Variants in IGFBP4 observed in about 807,000 individuals in gnomAD.
IGFBP4 encodes insulin like growth factor binding protein 4.
In IGFBP4, 9 loss-of-function variants were observed where a neutral mutation model predicts 25.8. The observed-to-expected ratio is 0.35, with a 90% CI of 0.21 to 0.61. IGFBP4 has a LOEUF of 0.61. Ranked by LOEUF, IGFBP4 falls within the 20% of genes least tolerant of loss-of-function variation. IGFBP4 has a pLI of 0.77. For missense variants in IGFBP4, 315 were observed against 365.3 expected (o/e 0.86, Z 1.12); for synonymous variants, 153 against 153.9 (o/e 0.99, Z 0.05).
intron 1 of IGFBP4, among the ~76,000 whole-genome samples, chr17:40,446,487 G>A (rs917752755): frequency 6.6e-6 from 1 of 151,848 alleles, no homozygotes; most frequent in Non-Finnish European, 1.5e-5. Context: ...ATGGTGGTGC[G>A]TGCCTGTAGT....
At chr17:40,447,979 C>T (rs1028345202) in intron 1 of IGFBP4, among the ~76,000 whole-genome samples, 1 of 152,166 alleles carries the variant, frequency 6.6e-6, no homozygotes, top group East Asian at 1.9e-4. Context: ...GTTGCCTTAT[C>T]TGTTTTTTAT....
intron 1 of IGFBP4, among the ~76,000 whole-genome samples, chr17:40,451,314 C>T (rs182167833): frequency 7.9e-5 from 12 of 152,256 alleles, no homozygotes; most frequent in Non-Finnish European, 1.3e-4. Flanking sequence ...AGCTCTCCAC[C>T]GTAACAAAAT....
chr17:40,450,517 A>T (rs568506472), intron 1 of IGFBP4, among the ~76,000 whole-genome samples: 87 of 151,270 alleles, frequency 5.8e-4, no homozygotes, highest in Middle Eastern at 3.4e-3. Flanking sequence ...TTAATTCTTG[A>T]ATTTTTTTTT....
At chr17:40,450,070 T>C (rs895680180) in intron 1 of IGFBP4, among the ~76,000 whole-genome samples, 5 of 152,124 alleles carry the variant, frequency 3.3e-5, no homozygotes, top group African/African-American at 4.8e-5. Context: ...TGCAGTGGTG[T>C]GATCACTGCT....
At position 40,453,644 on chromosome 17, in the gene IGFBP4, G is replaced by A. The variant is rs1456447439; in HGVS notation, c.508-284G>A. 6.6e-6 allele frequency among the ~76,000 whole-genome samples: 1 copy of A among 151,936 alleles called. No homozygotes were observed. On this transcript the variant is annotated intron_variant, in intron 2 of 3. Coordinates refer to ENST00000269593, the MANE Select transcript of IGFBP4 (RefSeq NM_001552.3). The surrounding 1 kb of genome is among the most constrained non-coding windows in gnomAD (Gnocchi z 4.0). ...TCTGCATAGAAATCACCCCCTCCCTGGCTTTCTGCATAGGTTCCCACAGCC... is the reference window on the plus strand; with the variant it reads ...TCTGCATAGAAATCACCCCCTCCCTAGCTTTCTGCATAGGTTCCCACAGCC...
rs1010703932 is a variant in IGFBP4 at position 40,453,285 on chromosome 17, C to T, written c.507+143C>T. 3.7e-5 allele frequency: 21 copies of T among 574,546 alleles called. No homozygotes were observed. Among genetic ancestry groups the T allele is most frequent in the African/African-American group, 3.3e-4 (17 of 51,320 alleles). The allele number at this position is 574,546 out of a possible 1,614,324, so 35.6% of individuals were successfully genotyped here. On this transcript the variant is annotated intron_variant, in intron 2 of 3. Coordinates refer to ENST00000269593, the MANE Select transcript of IGFBP4 (RefSeq NM_001552.3). The surrounding 1 kb of genome is among the most constrained non-coding windows in gnomAD (Gnocchi z 4.0). ...TTCAGCACACATTCTAGGGTGACTACTGTGTGCAAGGTGCAACTAGTGTGA... is the reference window on the plus strand; with the variant it reads ...TTCAGCACACATTCTAGGGTGACTATTGTGTGCAAGGTGCAACTAGTGTGA...
chr17:40,457,212 G>A lies in IGFBP4; in HGVS notation c.*629G>A, dbSNP rs2035720203. The A allele has an allele frequency of 6.6e-6, 1 of 152,210 alleles. No homozygotes were observed. The highest frequency in any genetic ancestry group is 6.5e-5 in the Admixed American group (1 of 15,268). 9.4% of individuals were successfully genotyped at this position (152,210 alleles called of 1,614,324 possible). On this transcript the variant is annotated 3_prime_UTR_variant, in exon 4 of 4. Coordinates refer to ENST00000269593, the MANE Select transcript of IGFBP4 (RefSeq NM_001552.3). ...AGACCCACTCCCAAAGCTCAGACTT[G>A]CCAGGCTCCCTTTCTCTTCTTCCCC...
chr17:40,453,022 C>A lies in IGFBP4; in HGVS notation c.387C>A (p.Ser129Arg). 1 of 1,582,656 alleles carries A rather than the reference C, an allele frequency of 6.3e-7. No individual in the cohort carries two copies. The highest frequency in any genetic ancestry group is 8.6e-7 in the Non-Finnish European group (1 of 1,163,630). ...GTGACCACCCCAACAACAGCTTCAG[C>A]CCCTGTAGCGCCCATGACCGCAGGT... ...DEGDHPNNSF[S>R]PCSAHDRRCL... Residue 129 changes from serine (S) to arginine (R), a missense_variant, in exon 2 of 4, where the codon AGC becomes AGA. Ser to Arg is a moderately radical substitution (Grantham distance 110). Coordinates refer to ENST00000269593, the MANE Select transcript of IGFBP4 (RefSeq NM_001552.3). This position sits in a 1 kb window ranked among gnomAD's most constrained non-coding sequence, Gnocchi z 4.0.
intron 1 of IGFBP4, 117 bp downstream of exon 1, chr17:40,444,201 G>T: frequency 2.7e-6 from 2 of 743,924 alleles, no homozygotes; most frequent in Non-Finnish European, 4.5e-6. Context: ...TGAAGAGAAG[G>T]CAGGTACGTG....
At chr17:40,446,539 C>T (rs1436007280) in intron 1 of IGFBP4, among the ~76,000 whole-genome samples, 2 of 152,058 alleles carry the variant, frequency 1.3e-5, no homozygotes, top group East Asian at 3.8e-4. Context: ...TCACTTGAAC[C>T]CGGGAGGTGG....
rs1462508371 is a variant in IGFBP4, at chr17:40,456,912, A to G, written c.*329A>G. On this transcript the variant is annotated 3_prime_UTR_variant, in exon 4 of 4. Coordinates refer to ENST00000269593, the MANE Select transcript of IGFBP4 (RefSeq NM_001552.3). ...GATTCACTCACTCACTCATTCCTTC[A>G]CTCATCCAGCCACCTAAAAACATTT... 6.5e-6 allele frequency: 2 copies of G among 308,196 alleles called. No individual in the cohort carries two copies. Among genetic ancestry groups the G allele is most frequent in the Non-Finnish European group, 1.2e-5 (2 of 167,562 alleles). The allele number at this position is 308,196 out of a possible 1,614,324, so 19.1% of individuals were successfully genotyped here.
chr17:40,448,822 G>A (rs2035665548), intron 1 of IGFBP4, among the ~76,000 whole-genome samples: 2 of 152,182 alleles, frequency 1.3e-5, no homozygotes, highest in Non-Finnish European at 2.9e-5. Flanking sequence ...AGAAGCTGTT[G>A]AAGTCAGCGT....
At chr17:40,446,714 C>T (rs1373845495) in intron 1 of IGFBP4, among the ~76,000 whole-genome samples, 1 of 152,176 alleles carries the variant, frequency 6.6e-6, no homozygotes, top group Non-Finnish European at 1.5e-5. Flanking sequence ...GTCTGTAATG[C>T]CCCTCCCCCT....
intron 3 of IGFBP4, among the ~76,000 whole-genome samples, chr17:40,455,554 C>G (rs2035709597): frequency 6.6e-6 from 1 of 151,122 alleles, no homozygotes; most frequent in African/African-American, 2.4e-5. Flanking sequence ...GGGATCTCGG[C>G]TCACTGCAAC....
rs560555005 is a variant in IGFBP4 at position 40,451,729 on chromosome 17, C to T, written c.350-1256C>T. Among the ~76,000 whole-genome samples, 6 of 152,336 alleles carry T rather than the reference C, an allele frequency of 3.9e-5. No individual in the cohort carries two copies. The South Asian group carries it at 1.2e-3, about 32-fold the overall frequency. On this transcript the variant is annotated intron_variant, in intron 1 of 3. Transcript: ENST00000269593. The stretch of plus-strand genomic sequence containing the variant: ...TGCAGAGAGGTCTTCCAACCTCTTT[C>T]TCCAGCTCAGCCCTGTATTCTGGTT...
At chr17:40,454,213 C>T (rs1391932407) in intron 3 of IGFBP4, 151 bp downstream of exon 3, 11 of 1,141,390 alleles carry the variant, frequency 9.6e-6, no homozygotes, top group South Asian at 8.8e-5. Flanking sequence ...CCTACCTCAG[C>T]GTCAGAACCT....
rs2035699570 is a variant in IGFBP4 at position 40,453,796 on chromosome 17, A to T, written c.508-132A>T. 2 of 597,772 alleles carry T rather than the reference A, an allele frequency of 3.3e-6. No homozygotes were observed. 37.0% of individuals were successfully genotyped at this position (597,772 alleles called of 1,614,324 possible). On this transcript the variant is annotated intron_variant, in intron 2 of 3. Coordinates refer to ENST00000269593, the MANE Select transcript of IGFBP4 (RefSeq NM_001552.3). This position sits in a 1 kb window ranked among gnomAD's most constrained non-coding sequence, Gnocchi z 4.0. The stretch of plus-strand genomic sequence containing the variant: ...AGACCCAGGCCTCTCTCTTCACCTC[A>T]CTGGGTCCTGCCCAGCCCCTGGGGC...
Position 40,443,683 on chromosome 17 carries a change from C to A in IGFBP4, c.-53C>A. On this transcript the variant is annotated 5_prime_UTR_variant, in exon 1 of 4. Coordinates refer to ENST00000269593, the MANE Select transcript of IGFBP4 (RefSeq NM_001552.3). ...CCTCCGCCGCTCGCCCGCGCGCCCG[C>A]GCTCCCCGCCTGCGCCCAGCGCCCC... The A allele has an allele frequency of 9.3e-7, 1 of 1,078,274 alleles. No homozygotes were observed. Among genetic ancestry groups the A allele is most frequent in the South Asian group, 4.4e-5 (1 of 22,538 alleles). 66.8% of individuals were successfully genotyped at this position (1,078,274 alleles called of 1,614,324 possible). A position where few individuals can be genotyped will look rare whatever the true frequency, so the allele number is the denominator to read the frequency against.
intron 3 of IGFBP4, 44 bp downstream of exon 3, chr17:40,454,106 G>T: frequency 6.9e-6 from 11 of 1,588,190 alleles, no homozygotes; most frequent in Non-Finnish European, 9.4e-6. Context: ...ACTCAGCTCT[G>T]GGGCATTTCC....
Sources: gnomAD v4.1 joint callset for allele counts (sites outside exome capture counted in the v4.1 genomes callset) on GRCh38, gnomAD v4.1.1 for gene constraint, Gnocchi (gnomAD v3.1) non-coding constraint, MANE v1.5 for transcripts, NCBI Gene and HGNC (gene_info 2026-07-23, HGNC 2026-07-21) for gene names.